Variants in UNC93A observed in about 807,000 individuals in gnomAD.
UNC93A encodes the protein unc-93 homolog A.
UNC93A carries 43 observed loss-of-function variants against 47.5 expected under a neutral mutation model. That is an observed-to-expected ratio of 0.91 (90% CI 0.71 to 1.17). The LOEUF is 1.17. UNC93A is among the 50% of genes most tolerant of loss of function. UNC93A has a pLI of 0.00. For missense variants in UNC93A, 605 were observed against 577.6 expected (o/e 1.05, Z -0.49); for synonymous variants, 280 against 258.0 (o/e 1.09, Z -0.82).
chr6:167,298,223 C>T (rs147336735), intron 4 of UNC93A, 153 bp downstream of exon 4: 54 of 1,247,632 alleles, frequency 4.3e-5, no homozygotes, highest in African/African-American at 3.0e-4. Context: ...TATATGCAGG[C>T]GGTGTTCTTA....
chr6:167,296,413 G>A lies in UNC93A; in HGVS notation c.499+152G>A. ...CACAGGTGAGATTCTCAACCTGCCT[G>A]TGCTTCAGAGTTGCCTGTTACCTGC... On this transcript the variant is annotated intron_variant, in intron 3 of 7. Coordinates refer to ENST00000230256, the MANE Select transcript of UNC93A (RefSeq NM_018974.4). The A allele has an allele frequency of 3.8e-6, 3 of 796,574 alleles. No homozygotes were observed. The South Asian group carries it at 5.1e-5, about 14-fold the overall frequency. 49.3% of individuals were successfully genotyped at this position (796,574 alleles called of 1,614,324 possible).
In UNC93A at chr6:167,299,295, A is replaced by C. The variant is rs546152157; in HGVS notation, c.625+1225A>C. On this transcript the variant is annotated intron_variant, in intron 4 of 7. Coordinates refer to ENST00000230256, the MANE Select transcript of UNC93A (RefSeq NM_018974.4). ...CCTTCTTAAAGATCAAAGGCCTGGC[A>C]CCTGTGAGCTCTGGGGGTACCAACT... Among the ~76,000 whole-genome samples the C allele has an allele frequency of 3.3e-5, 5 of 152,010 alleles. No individual in the cohort carries two copies. In the East Asian group the frequency reaches 5.8e-4, roughly 18 times the overall value.
chr6:167,289,456 G>GA (rs1783803215), upstream of UNC93A, among the ~76,000 whole-genome samples: 1 of 152,174 alleles, frequency 6.6e-6, no homozygotes, highest in East Asian at 1.9e-4. Context: ...GGAAAAGAGA[G>GA]AAAAAGCAGA....
At chr6:167,277,670 T>C (rs993878556) in intron 1 of UNC93A, among the ~76,000 whole-genome samples, 1 of 138,460 alleles carries the variant, frequency 7.2e-6, no homozygotes, top group Admixed American at 7.4e-5. Context: ...TATCTCTCTG[T>C]CTCTTTCTCT....
intron 1 of UNC93A, among the ~76,000 whole-genome samples, chr6:167,282,579 T>A (rs1304710816): frequency 1.3e-5 from 2 of 152,178 alleles, no homozygotes; most frequent in African/African-American, 4.8e-5. Flanking sequence ...TAGCAAATGT[T>A]CAAGAAATGG....
chr6:167,313,037 C>T (rs556606449), intron 7 of UNC93A, among the ~76,000 whole-genome samples: 3 of 152,318 alleles, frequency 2.0e-5, no homozygotes, highest in South Asian at 2.1e-4. Context: ...GGGTCCTAGG[C>T]GTCTCCCTCT....
intron 7 of UNC93A, among the ~76,000 whole-genome samples, chr6:167,311,423 G>A (rs1409784049): frequency 1.3e-5 from 2 of 152,210 alleles, no homozygotes; most frequent in African/African-American, 4.8e-5. Context: ...TCTGTGCCAG[G>A]CACTCCTCTC....
Position 167,308,828 on chromosome 6 carries a change from A to C in UNC93A, c.1108+918A>C, listed in dbSNP as rs186940108. Among the ~76,000 whole-genome samples, 33 of 152,146 alleles carry C rather than the reference A, an allele frequency of 2.2e-4. No homozygotes were observed. In the East Asian group the frequency reaches 3.1e-3, roughly 14 times the overall value. ...CAATCAATTCCAAAAGGCAGGTGAC[A>C]AGGTCCAAGGTGCGGCCCTGTGGGG... On this transcript the variant is annotated intron_variant, in intron 7 of 7. Coordinates refer to ENST00000230256, the MANE Select transcript of UNC93A (RefSeq NM_018974.4).
chr6:167,280,677 G>T (rs903761858), intron 1 of UNC93A, among the ~76,000 whole-genome samples: 1 of 152,186 alleles, frequency 6.6e-6, no homozygotes, highest in Non-Finnish European at 1.5e-5. Flanking sequence ...GCCAGAGCTC[G>T]CAGGGGACAG....
intron 3 of UNC93A, among the ~76,000 whole-genome samples, chr6:167,297,260 T>A (rs1197120431): frequency 6.6e-6 from 1 of 152,312 alleles, no homozygotes; most frequent in Middle Eastern, 3.4e-3. Context: ...TTGGAGGGCG[T>A]CGTGTGCTTC....
At position 167,291,468 on chromosome 6, in the gene UNC93A, A is replaced by G. The variant is rs192877753; in HGVS notation, c.-22A>G. The G allele has an allele frequency of 1.9e-6, 3 of 1,604,804 alleles. No individual in the cohort carries two copies. In the East Asian group the frequency reaches 6.7e-5, roughly 36 times the overall value. Reference sequence around the variant, plus strand: ...CTACAAATTTACGTGTTCACTGGTGATTGATCTTTTCATCCAGCACAATGG... The same window carrying G: ...CTACAAATTTACGTGTTCACTGGTGGTTGATCTTTTCATCCAGCACAATGG... On this transcript the variant is annotated 5_prime_UTR_variant, in exon 1 of 8. Coordinates refer to ENST00000230256, the MANE Select transcript of UNC93A (RefSeq NM_018974.4).
intron 3 of UNC93A, 136 bp downstream of exon 3, chr6:167,296,397 G>A: frequency 1.1e-6 from 1 of 907,104 alleles, no homozygotes; most frequent in East Asian, 2.6e-5. Context: ...CCACAGGTGA[G>A]ATTCTCAACC....
chr6:167,272,709 G>C (rs928848132), intron 1 of UNC93A, among the ~76,000 whole-genome samples: 16 of 152,202 alleles, frequency 1.1e-4, no homozygotes, highest in African/African-American at 3.9e-4. Flanking sequence ...AAATGTTCTG[G>C]TTGACAATCA....
At position 167,278,316 on chromosome 6, in the gene UNC93A, C is replaced by T. The variant is rs536829054; in HGVS notation, c.-52+6858C>T. On this transcript the variant is annotated intron_variant, in intron 1 of 3. Transcript: ENST00000503433. ...TCAGTAGCCGAAGAGGACAGTGCCA[C>T]AGAGAAGCAGCCAAAGGCCAACTCG... Among the ~76,000 whole-genome samples, 7 of 152,280 alleles carry T rather than the reference C, an allele frequency of 4.6e-5. No individual in the cohort carries two copies. The South Asian group carries it at 1.2e-3, about 27-fold the overall frequency.
chr6:167,296,269 G>A lies in UNC93A; in HGVS notation c.499+8G>A. 1.2e-6 allele frequency: 2 copies of A among 1,614,026 alleles called. No homozygotes were observed. The highest frequency in any genetic ancestry group is 2.2e-5 in the South Asian group (2 of 91,076). On this transcript the variant is annotated splice_region_variant and intron_variant, in intron 3 of 7. Transcript: ENST00000230256. ...GCCAGACTCCCAGCCAAGGTAAAAG[G>A]AAAAGGGGCAAGCAATTGTCTCCAA... is the stretch of plus-strand genomic sequence containing the variant.
intron 1 of UNC93A, among the ~76,000 whole-genome samples, chr6:167,279,008 C>T (rs1420707247): frequency 1.3e-5 from 2 of 152,150 alleles, no homozygotes; most frequent in African/African-American, 2.4e-5. Flanking sequence ...ATCTTTGCTT[C>T]GAATTTTGAA....
chr6:167,297,261 C>T lies in UNC93A; in HGVS notation c.500-684C>T, dbSNP rs1379730857. 6.6e-5 allele frequency among the ~76,000 whole-genome samples: 10 copies of T among 152,184 alleles called. 1 individual carries two copies. Among genetic ancestry groups the T allele is most frequent in the African/African-American group, 1.2e-4 (5 of 41,432 alleles). On this transcript the variant is annotated intron_variant, in intron 3 of 7. Coordinates refer to ENST00000230256, the MANE Select transcript of UNC93A (RefSeq NM_018974.4). ...GGGGCTGGAGGGATTTGGAGGGCGT[C>T]GTGTGCTTCTCCACCTTCTTGTACC...
chr6:167,298,645 C>T (rs1714153123), intron 4 of UNC93A, among the ~76,000 whole-genome samples: 1 of 151,876 alleles, frequency 6.6e-6, no homozygotes, highest in Admixed American at 6.6e-5. Context: ...GGTGAAAGGG[C>T]TGCCCAAAGG....
upstream of UNC93A, among the ~76,000 whole-genome samples, chr6:167,286,426 C>A (rs923650695): frequency 2.0e-5 from 3 of 152,224 alleles, no homozygotes; most frequent in Non-Finnish European, 4.4e-5. Context: ...GGGAAAATGC[C>A]TCAGTCTCAC....
Sources: allele counts gnomAD v4.1 joint callset (sites outside exome capture counted in the v4.1 genomes callset), GRCh38; gene constraint gnomAD v4.1.1; transcripts MANE v1.5; gene names NCBI Gene and HGNC (gene_info 2026-07-23, HGNC 2026-07-21).